The following HTR4 variants were observed in gnomAD, a reference collection of about 807,000 sequenced individuals.
HTR4 encodes the protein 5-hydroxytryptamine (serotonin) receptor 4, G protein-coupled.
In HTR4, 16 loss-of-function variants were observed where a neutral mutation model predicts 36.8. The observed-to-expected ratio is 0.43, with a 90% confidence interval of 0.29 to 0.66. The LOEUF is 0.66. HTR4 is among the 30% of genes least tolerant of loss of function. The pLI, the probability that HTR4 is intolerant of heterozygous loss-of-function variation, is 0.13. For synonymous variants in HTR4, 189 were observed against 185.1 expected (o/e 1.02, Z -0.17); for missense variants, 438 against 490.9 (o/e 0.89, Z 1.02).
At chr5:148,602,167 G>A (rs1762020568) in intron 2 of HTR4, among the ~76,000 whole-genome samples, 1 of 152,118 alleles carries the variant, frequency 6.6e-6, no homozygotes, top group African/African-American at 2.4e-5. Context: ...AATAAATCGG[G>A]TTGGGGAAAA....
chr5:148,482,976 T>A lies in HTR4; in HGVS notation c.*227A>T. The A allele has an allele frequency of 7.3e-6, 10 of 1,376,126 alleles. No homozygotes were observed. The highest frequency in any genetic ancestry group is 3.5e-5 in the South Asian group (2 of 57,746). 85.2% of individuals were successfully genotyped at this position (1,376,126 alleles called of 1,614,324 possible). A position where few individuals can be genotyped will look rare whatever the true frequency, so the allele number is the denominator to read the frequency against. On this transcript the variant is annotated 3_prime_UTR_variant, in exon 7 of 7. Coordinates refer to ENST00000377888, the MANE Select transcript of HTR4 (RefSeq NM_000870.7). ...AAGCAGAGAATCTGGGAAGAGGGAG[T>A]GTTGGGAAATAAAAAGTGAACAAGG... is the stretch of plus-strand genomic sequence containing the variant.
intron 5 of HTR4, among the ~76,000 whole-genome samples, chr5:148,466,408 A>C (rs1328813710): frequency 6.6e-6 from 1 of 152,242 alleles, no homozygotes; most frequent in African/African-American, 2.4e-5. Context: ...TTCATTTAAC[A>C]ATACAAACCG....
At chr5:148,610,938 T>C (rs971926956) in intron 2 of HTR4, among the ~76,000 whole-genome samples, 1 of 149,812 alleles carries the variant, frequency 6.7e-6, no homozygotes, top group Non-Finnish European at 1.5e-5. Context: ...CAATGGAAGA[T>C]GAAATGAATG....
At chr5:148,618,471 A>T (rs1351272131) in intron 2 of HTR4, among the ~76,000 whole-genome samples, 1 of 152,194 alleles carries the variant, frequency 6.6e-6, no homozygotes, top group Admixed American at 6.5e-5. Context: ...ATGCATTAGC[A>T]GGAGAGTGAA....
At chr5:148,538,648 C>T (rs1423246378) in intron 4 of HTR4, among the ~76,000 whole-genome samples, 1 of 151,976 alleles carries the variant, frequency 6.6e-6, no homozygotes, top group Non-Finnish European at 1.5e-5. Flanking sequence ...GAATAAAATG[C>T]CAGGAATCCA....
chr5:148,546,784 A>G (rs945076130), intron 4 of HTR4, among the ~76,000 whole-genome samples: 2 of 152,226 alleles, frequency 1.3e-5, no homozygotes, highest in African/African-American at 2.4e-5. Context: ...AACAATGATC[A>G]TATGCAGGTT....
chr5:148,637,140 A>G (rs1753573686), intron 1 of HTR4, 79 bp from the exon 2 acceptor site: 2 of 879,090 alleles, frequency 2.3e-6, no homozygotes, highest in South Asian at 1.5e-5. Context: ...AAAAACTCAA[A>G]TAACTATTGC....
At chr5:148,637,326 T>C (rs958144591) in intron 1 of HTR4, among the ~76,000 whole-genome samples, 5 of 152,244 alleles carry the variant, frequency 3.3e-5, no homozygotes, top group Admixed American at 1.3e-4. Flanking sequence ...TTGTTATTTA[T>C]GTTCTTTCCA....
At chr5:148,501,696 G>C (rs576156430) in intron 6 of HTR4, among the ~76,000 whole-genome samples, 1 of 152,206 alleles carries the variant, frequency 6.6e-6, no homozygotes, top group South Asian at 2.1e-4. Flanking sequence ...CAACTATTCT[G>C]TATAGGCTAC....
chr5:148,611,227 A>G lies in HTR4; in HGVS notation c.26+25762T>C, dbSNP rs1014397317. On this transcript the variant is annotated intron_variant, in intron 2 of 6. Transcript: ENST00000377888. The stretch of plus-strand genomic sequence containing the variant: ...AGCAACTCCAAGACACATAATTGTC[A>G]GATTCACCAAAGTTGAAATGAAGGA... Among the ~76,000 whole-genome samples, 252 of 148,796 alleles carry G rather than the reference A, an allele frequency of 1.7e-3. 1 individual carries two copies. The highest frequency in any genetic ancestry group is 5.8e-3 in the African/African-American group (234 of 40,512).
At chr5:148,509,066 A>C (rs931236625) in intron 6 of HTR4, among the ~76,000 whole-genome samples, 1 of 152,184 alleles carries the variant, frequency 6.6e-6, no homozygotes, top group African/African-American at 2.4e-5. Flanking sequence ...ATAATAGATA[A>C]CATTTACTAA....
intron 1 of HTR4, among the ~76,000 whole-genome samples, chr5:148,638,135 G>A (rs1561663812): frequency 6.6e-6 from 1 of 152,194 alleles, no homozygotes; most frequent in Non-Finnish European, 1.5e-5. Flanking sequence ...CAGCCACGAA[G>A]AGAATGGCAG....
intron 5 of HTR4, among the ~76,000 whole-genome samples, chr5:148,470,324 C>T (rs1755533417): frequency 6.6e-6 from 1 of 152,150 alleles, no homozygotes; most frequent in Non-Finnish European, 1.5e-5. Context: ...ATCATCTCTA[C>T]TTGACATATG....
chr5:148,576,970 G>T (rs185818910), intron 2 of HTR4, among the ~76,000 whole-genome samples: 1 of 152,146 alleles, frequency 6.6e-6, no homozygotes, highest in Non-Finnish European at 1.5e-5. Context: ...TGACAACTGG[G>T]ATCTAATTAA....
chr5:148,650,311 T>TA (rs898146886), intron 1 of HTR4, among the ~76,000 whole-genome samples: 2 of 151,226 alleles, frequency 1.3e-5, no homozygotes, highest in East Asian at 1.9e-4. Flanking sequence ...ACATAGCACT[T>TA]AAAAAAAAAT....
At chr5:148,597,861 C>T (rs557958504) in intron 2 of HTR4, among the ~76,000 whole-genome samples, 61 of 152,158 alleles carry the variant, frequency 4.0e-4, no homozygotes, top group Non-Finnish European at 7.4e-4. Flanking sequence ...GAACAAGTAC[C>T]TCCTACACTC....
chr5:148,602,861 T>A (rs1051707741), intron 2 of HTR4, among the ~76,000 whole-genome samples: 3 of 152,100 alleles, frequency 2.0e-5, no homozygotes, highest in African/African-American at 7.2e-5. Context: ...TGTAAGCAAC[T>A]GAATATCCAT....
intron 5 of HTR4, among the ~76,000 whole-genome samples, chr5:148,469,299 T>A (rs895738889): frequency 1.4e-4 from 22 of 152,162 alleles, no homozygotes; most frequent in African/African-American, 5.1e-4. Flanking sequence ...AAATGTTAGC[T>A]TTTTTTATAG....
At chr5:148,633,921 T>A (rs1234559021) in intron 2 of HTR4, among the ~76,000 whole-genome samples, 2 of 152,112 alleles carry the variant, frequency 1.3e-5, no homozygotes, top group African/African-American at 4.8e-5. Flanking sequence ...CTGTAACTAC[T>A]CCCAAATTAC....
Sources: allele counts gnomAD v4.1 joint callset (sites outside exome capture counted in the v4.1 genomes callset), GRCh38; gene constraint gnomAD v4.1.1; transcripts MANE v1.5; gene names NCBI Gene and HGNC (gene_info 2026-07-23, HGNC 2026-07-21).